HDX: variants seen among roughly 807,000 people sequenced by gnomAD.
The protein encoded by HDX is chromosome X open reading frame 43.
Under a neutral mutation model 45.2 loss-of-function variants are expected in HDX, and 19 were observed. The ratio of observed to expected loss-of-function variants is 0.42; its 90% CI spans 0.29 to 0.62. HDX has a LOEUF of 0.62. HDX is among the 20% of genes least tolerant of loss of function. The pLI is 0.20. For synonymous variants in HDX, 188 were observed against 172.8 expected, an observed-to-expected ratio of 1.09 and a Z score of -0.69; for missense variants, 532 against 493.9, an observed-to-expected ratio of 1.08 and a Z score of -0.73.
At chrX:84,375,633 C>G (rs1226026247) in intron 5 of HDX, among the ~76,000 whole-genome samples, 2 of 110,113 alleles carry the variant, frequency 1.8e-5, no homozygotes, top group African/African-American at 3.3e-5. Flanking sequence ...TCTCAGCAAA[C>G]TATCACAAGG....
At chrX:84,412,786 TC>T (rs765734619) in intron 5 of HDX, among the ~76,000 whole-genome samples, 1 of 111,884 alleles carries the variant, frequency 8.9e-6, no homozygotes, top group South Asian at 3.7e-4. Context: ...TTGCTTTCTC[TC>T]CCTTTTTTGC....
chrX:84,408,143 A>G (rs2038878389), intron 5 of HDX, among the ~76,000 whole-genome samples: 1 of 111,357 alleles, frequency 9.0e-6, no homozygotes, highest in Middle Eastern at 4.2e-3. Context: ...ATGACACTTC[A>G]TAGGATATCT....
chrX:84,319,275 G>C lies in HDX; in HGVS notation c.*2614C>G, dbSNP rs751855445. 9.0e-6 allele frequency: 1 copy of C among 110,746 alleles called. No individual in the cohort carries two copies. The highest frequency in any genetic ancestry group is 3.7e-4 in the South Asian group (1 of 2,677). The allele number at this position is 110,746 out of a possible 1,213,427, so 9.1% of individuals were successfully genotyped here. Reference sequence around the variant, plus strand: ...ACTAGTTAGTTAATTTTTATCCCCAGCCATGAAGATGTCCACAAGAGTAAT... The same window carrying C: ...ACTAGTTAGTTAATTTTTATCCCCACCCATGAAGATGTCCACAAGAGTAAT... On this transcript the variant is annotated 3_prime_UTR_variant, in exon 11 of 11. Coordinates refer to ENST00000373177, the MANE Select transcript of HDX (RefSeq NM_001177479.2).
intron 1 of HDX, among the ~76,000 whole-genome samples, chrX:84,490,118 T>C (rs1403438474): frequency 8.9e-6 from 1 of 111,925 alleles, no homozygotes; most frequent in African/African-American, 3.2e-5. Context: ...GTCTGTACAG[T>C]CTATTGTGGT....
chrX:84,322,929 T>C (rs893545684), intron 10 of HDX, among the ~76,000 whole-genome samples: 2 of 110,439 alleles, frequency 1.8e-5, no homozygotes, highest in Admixed American at 9.7e-5. Flanking sequence ...CAGTGGTAAA[T>C]AAAGACCAAG....
intron 5 of HDX, among the ~76,000 whole-genome samples, chrX:84,411,104 A>T (rs4132895): frequency 0.074 from 8,059 of 109,429 alleles, 471 homozygotes; most frequent in East Asian, 0.46. Flanking sequence ...TTCTTTCAAA[A>T]CTCCATTGAC....
intron 6 of HDX, among the ~76,000 whole-genome samples, chrX:84,345,975 TGA>T (rs764747460): frequency 1.8e-5 from 2 of 111,411 alleles, no homozygotes; most frequent in East Asian, 5.7e-4. Flanking sequence ...ATTTTCATGT[TGA>T]GTTTTGAGAA....
At chrX:84,416,233 C>A (rs2039098858) in intron 5 of HDX, among the ~76,000 whole-genome samples, 1 of 111,531 alleles carries the variant, frequency 9.0e-6, no homozygotes, top group East Asian at 2.8e-4. Context: ...TAGATTATTT[C>A]TAACATCATC....
intron 2 of HDX, among the ~76,000 whole-genome samples, chrX:84,482,194 T>C (rs1042305413): frequency 6.3e-5 from 7 of 111,737 alleles, no homozygotes; most frequent in African/African-American, 2.3e-4. Flanking sequence ...CCAGGTATCT[T>C]TTAGATAAAA....
In HDX at chrX:84,335,557, G is replaced by A. The variant is rs574596910; in HGVS notation, c.1740+1244C>T. On this transcript the variant is annotated intron_variant, in intron 8 of 10. Coordinates refer to ENST00000373177, the MANE Select transcript of HDX (RefSeq NM_001177479.2). ...GCAGAGAAATTCAGGCTACAAATGA[G>A]CATGTCTTTAAAGGGAAAGATGTTT... is the stretch of plus-strand genomic sequence containing the variant. Among the ~76,000 whole-genome samples the A allele has an allele frequency of 7.2e-5, 8 of 111,527 alleles. No homozygotes were observed. In the South Asian group the frequency reaches 3.0e-3, roughly 41 times the overall value.
At chrX:84,447,124 G>C (rs1281778801) in intron 4 of HDX, among the ~76,000 whole-genome samples, 1 of 111,633 alleles carries the variant, frequency 9.0e-6, no homozygotes, top group East Asian at 2.8e-4. Context: ...GGAATATATA[G>C]AGCAGCTAAG....
intron 2 of HDX, among the ~76,000 whole-genome samples, chrX:84,482,823 CGCTT>C (rs2040716316): frequency 8.9e-6 from 1 of 111,818 alleles, no homozygotes; most frequent in Non-Finnish European, 1.9e-5. Context: ...CAAGGCAAGT[CGCTT>C]CCGCCTATGA....
chrX:84,346,560 C>G (rs1023301373), intron 6 of HDX, among the ~76,000 whole-genome samples: 14 of 111,044 alleles, frequency 1.3e-4, no homozygotes, highest in African/African-American at 4.6e-4. Flanking sequence ...GAATAGAGAA[C>G]CCAGAAATGG....
At chrX:84,348,993 C>A (rs1190984304) in intron 6 of HDX, among the ~76,000 whole-genome samples, 1 of 111,637 alleles carries the variant, frequency 9.0e-6, no homozygotes, top group African/African-American at 3.3e-5. Context: ...TCTGATACAG[C>A]CTCTGGGAGT....
At chrX:84,488,193 T>C (rs1216636490) in intron 1 of HDX, 61 bp from the exon 2 acceptor site, 1 of 111,227 alleles carries the variant, frequency 9.0e-6, no homozygotes, top group African/African-American at 3.3e-5. Context: ...GAATCGGAAG[T>C]CTAGCACTGC....
intron 5 of HDX, among the ~76,000 whole-genome samples, chrX:84,429,080 T>A (rs2039446623): frequency 9.0e-6 from 1 of 110,863 alleles, no homozygotes; most frequent in Admixed American, 9.6e-5. Context: ...CTGTTTTTAT[T>A]CCTATAGCAT....
chrX:84,499,535 T>C (rs940165491), intron 1 of HDX, among the ~76,000 whole-genome samples: 2 of 111,783 alleles, frequency 1.8e-5, no homozygotes, highest in Non-Finnish European at 3.8e-5. Context: ...TTTCATATAA[T>C]ATAGGTAATC....
At chrX:84,331,194 T>G (rs2036835418) in intron 9 of HDX, among the ~76,000 whole-genome samples, 1 of 111,587 alleles carries the variant, frequency 9.0e-6, no homozygotes, top group African/African-American at 3.3e-5. Context: ...ATAAACATTT[T>G]GTGTTATTTA....
At chrX:84,328,629 T>C (rs2036772051) in intron 9 of HDX, among the ~76,000 whole-genome samples, 1 of 111,355 alleles carries the variant, frequency 9.0e-6, no homozygotes, top group African/African-American at 3.3e-5. Flanking sequence ...ATGCTTAATA[T>C]CATTTGTTCT....
Sources: gnomAD v4.1 joint callset for allele counts (sites outside exome capture counted in the v4.1 genomes callset) on GRCh38, gnomAD v4.1.1 for gene constraint, MANE v1.5 for transcripts, NCBI Gene and HGNC (gene_info 2026-07-23, HGNC 2026-07-21) for gene names.